The following CERS4 variants were observed in gnomAD, a reference collection of about 807,000 sequenced individuals.
The protein encoded by CERS4 is LAG1 homolog, ceramide synthase 4.
Under a neutral mutation model 51.8 loss-of-function variants are expected in CERS4, and 65 were observed. That is an observed-to-expected ratio of 1.26 (90% CI 1.03 to 1.54). The LOEUF is 1.54. Ranked by LOEUF, CERS4 falls within the 40% of genes most tolerant of loss-of-function variation. The pLI is 0.00. For missense variants in CERS4, 563 were observed against 500.4 expected, an observed-to-expected ratio of 1.13 and a Z score of -1.19; for synonymous variants, 228 against 208.4, an observed-to-expected ratio of 1.09 and a Z score of -0.81.
At chr19:8,257,189 C>G (rs1022013661) in intron 9 of CERS4, 112 bp downstream of exon 9, 31 of 1,125,656 alleles carry the variant, frequency 2.8e-5, no homozygotes, top group East Asian at 1.2e-4. Context: ...AGCCCCACCC[C>G]TCCTGTCTTT....
At chr19:8,222,905 C>A (rs1967624297) in intron 2 of CERS4, among the ~76,000 whole-genome samples, 1 of 152,154 alleles carries the variant, frequency 6.6e-6, no homozygotes, top group Non-Finnish European at 1.5e-5. Context: ...CTTGGTTGTT[C>A]TCTGGAATCC....
chr19:8,238,643 A>G (rs866569612), intron 2 of CERS4: 3 of 938,108 alleles, frequency 3.2e-6, no homozygotes, highest in East Asian at 2.3e-4. Context: ...GGGGATCCTC[A>G]TGGTCCAGTA....
At chr19:8,252,178 G>A (rs1055950135) in intron 3 of CERS4, among the ~76,000 whole-genome samples, 8 of 152,030 alleles carry the variant, frequency 5.3e-5, no homozygotes, top group Non-Finnish European at 2.9e-5. Flanking sequence ...AGACCAGCCC[G>A]ACAAACGTGG....
At chr19:8,249,975 G>A (rs1332169920) in intron 2 of CERS4, among the ~76,000 whole-genome samples, 5 of 151,472 alleles carry the variant, frequency 3.3e-5, no homozygotes, top group African/African-American at 1.2e-4. Context: ...GGACGTTTGA[G>A]GACTCAAGTT....
chr19:8,233,349 T>A (rs1422385397), intron 2 of CERS4, among the ~76,000 whole-genome samples: 2 of 151,974 alleles, frequency 1.3e-5, no homozygotes, highest in Non-Finnish European at 2.9e-5. Context: ...GTATTTTTAG[T>A]AGAGACGGGG....
intron 10 of CERS4, chr19:8,260,977 A>AAAAC (rs1568543914): frequency 6.6e-6 from 1 of 150,442 alleles, no homozygotes. Flanking sequence ...AAAAAAAAAA[A>AAAAC]CAAGAACCAC....
At chr19:8,250,947 T>C (rs1170160313) in intron 2 of CERS4, 129 bp from the exon 3 acceptor site, 13 of 1,470,850 alleles carry the variant, frequency 8.8e-6, no homozygotes, top group Non-Finnish European at 1.2e-5. Flanking sequence ...CTTCCAGTCC[T>C]GCCTCCTGGT....
At chr19:8,226,528 C>A (rs566048609) in intron 2 of CERS4, among the ~76,000 whole-genome samples, 1 of 152,266 alleles carries the variant, frequency 6.6e-6, no homozygotes, top group African/African-American at 2.4e-5. Flanking sequence ...GGAAGGATCC[C>A]ATCAGAGCAT....
intron 10 of CERS4, among the ~76,000 whole-genome samples, chr19:8,259,113 G>T (rs189994343): frequency 6.6e-6 from 1 of 152,164 alleles, no homozygotes; most frequent in Non-Finnish European, 1.5e-5. Context: ...CAGCCTGGGC[G>T]ACAGAGCAAG....
chr19:8,261,886 C>T (rs200780972), intron 11 of CERS4, 42 bp downstream of exon 11: 1,143 of 1,613,270 alleles, frequency 7.1e-4, no homozygotes, highest in Admixed American at 1.4e-3. Context: ...CTAAGCTCCT[C>T]CTTCCTCCCT....
chr19:8,222,320 G>A (rs567632491), intron 2 of CERS4: 1 of 152,144 alleles, frequency 6.6e-6, no homozygotes, highest in East Asian at 1.9e-4. Context: ...TGGGATTACA[G>A]GCACCCACCA....
rs1016150155 is a variant in CERS4, at chr19:8,255,634, T to C, written c.319T>C (p.Cys107Arg). 5.6e-6 allele frequency: 9 copies of C among 1,612,562 alleles called. No homozygotes were observed. In the Admixed American group the frequency reaches 6.7e-5, roughly 12 times the overall value. Reference protein sequence around the residue: ...EPQLSLLAAQCGLTLQQTQRW... With the variant: ...EPQLSLLAAQRGLTLQQTQRW... ...CCAGCTGTCTCTCCTGGCCGCCCAG[T>C]GTGGCCTCACGCTGCAGCAGACCCA... Residue 107 changes from cysteine to arginine, a missense_variant, in exon 5 of 12, where the codon TGT becomes CGT. Cys to Arg is a radical substitution (Grantham distance 180). Transcript: ENST00000251363.
chr19:8,248,963 C>A lies in CERS4; in HGVS notation c.-1-2113C>A, dbSNP rs912525678. ...GGATGATGGATAATGGGTGGATGGACAGATGTTTTGATGAATTAACAGATG... is the reference window on the plus strand; with the variant it reads ...GGATGATGGATAATGGGTGGATGGAAAGATGTTTTGATGAATTAACAGATG... On this transcript the variant is annotated intron_variant, in intron 2 of 11. Coordinates refer to ENST00000251363, the MANE Select transcript of CERS4 (RefSeq NM_024552.3). Among the ~76,000 whole-genome samples, 3 of 141,022 alleles carry A rather than the reference C, an allele frequency of 2.1e-5. No homozygotes were observed. The South Asian group carries it at 6.9e-4, about 33-fold the overall frequency. The allele number at this position is 141,022 out of a possible 152,430, so 92.5% of individuals were successfully genotyped here.
intron 2 of CERS4, among the ~76,000 whole-genome samples, chr19:8,218,356 GGCATCAGATAACGGAAT>G (rs1396541393): frequency 6.6e-6 from 1 of 152,216 alleles, no homozygotes; most frequent in East Asian, 1.9e-4. Flanking sequence ...AACCATGCCA[GGCATCAGATAACGGAAT>G]GCTGAACAGT....
rs1481100993 is a variant in CERS4, at chr19:8,256,278, C to T, written c.511C>T (p.Pro171Ser). 1.9e-6 allele frequency: 3 copies of T among 1,613,426 alleles called. No individual in the cohort carries two copies. The highest frequency in any genetic ancestry group is 2.5e-6 in the Non-Finnish European group (3 of 1,179,802). Residue 171 changes from proline to serine, a missense_variant, in exon 7 of 12, where the codon CCA (proline) becomes TCA (serine). Coordinates refer to ENST00000251363, the MANE Select transcript of CERS4 (RefSeq NM_024552.3). ...WAPVMCWDRY[P>S]NQTLKPSLYW... ...ACCAGTAATGTGCTGGGACAGGTAC[C>T]CAAACCAGGTGAGTGGCAGAGTGTG...
intron 2 of CERS4, among the ~76,000 whole-genome samples, chr19:8,221,804 G>A (rs2145180879): frequency 6.7e-6 from 1 of 150,216 alleles, no homozygotes; most frequent in East Asian, 1.9e-4. Context: ...GGGATTACAG[G>A]CATGAGCCAC....
intron 2 of CERS4, among the ~76,000 whole-genome samples, chr19:8,245,396 A>G (rs1018996890): frequency 6.6e-6 from 1 of 151,844 alleles, no homozygotes; most frequent in African/African-American, 2.4e-5. Flanking sequence ...GATTATGGCC[A>G]CATGCCACCT....
intron 7 of CERS4, 56 bp from the exon 8 acceptor site, chr19:8,256,562 C>G: frequency 6.6e-7 from 1 of 1,519,626 alleles, no homozygotes; most frequent in Non-Finnish European, 9.0e-7. Flanking sequence ...GAGCCATACC[C>G]CTGCCCGATT....
intron 2 of CERS4, among the ~76,000 whole-genome samples, chr19:8,250,029 C>T (rs1968995656): frequency 6.6e-6 from 1 of 152,090 alleles, no homozygotes. Flanking sequence ...GGCTGGAGTG[C>T]AGTGGCATGA....
Sources: gnomAD v4.1 joint callset for allele counts (sites outside exome capture counted in the v4.1 genomes callset) on GRCh38, gnomAD v4.1.1 for gene constraint, MANE v1.5 for transcripts, NCBI Gene and HGNC (gene_info 2026-07-23, HGNC 2026-07-21) for gene names.